The following TNFSF4 variants were observed in gnomAD, a reference collection of about 807,000 sequenced individuals.
TNFSF4 encodes the protein tumor necrosis factor ligand superfamily member 4.
TNFSF4 carries 4 observed loss-of-function variants against 7.3 expected under a neutral mutation model. The observed-to-expected ratio is 0.55, with a 90% CI of 0.27 to 1.25. The LOEUF (loss-of-function observed/expected upper bound fraction) is 1.25. Among genes scored for constraint, TNFSF4 ranks in the 50% most tolerant of loss-of-function variants. The pLI is 0.12. For missense variants in TNFSF4, 181 were observed against 208.8 expected, an observed-to-expected ratio of 0.87 and a Z score of 0.82; for synonymous variants, 76 against 83.7, an observed-to-expected ratio of 0.91 and a Z score of 0.50.
At chr1:173,339,238 T>C in the TNFSF4 span, among the ~76,000 whole-genome samples, 2 of 152,034 alleles carry the variant, frequency 1.3e-5, no homozygotes, top group African/African-American at 4.8e-5. Flanking sequence ...TTTAATTAGC[T>C]GGGCATGGTG....
chr1:173,426,274 T>C, the TNFSF4 span, among the ~76,000 whole-genome samples: 1 of 152,126 alleles, frequency 6.6e-6, no homozygotes, highest in Non-Finnish European at 1.5e-5. Flanking sequence ...GTGCTTCCCT[T>C]TGTCAGATAT....
the TNFSF4 span, among the ~76,000 whole-genome samples, chr1:173,360,569 A>G: frequency 6.6e-6 from 1 of 152,352 alleles, no homozygotes; most frequent in East Asian, 1.9e-4. Flanking sequence ...TGTTGCTTTT[A>G]TGACCTTGGC....
intron 1 of TNFSF4, among the ~76,000 whole-genome samples, chr1:173,194,188 TGTAA>T (rs1421122309): frequency 6.6e-6 from 1 of 152,254 alleles, no homozygotes; most frequent in African/African-American, 2.4e-5. Flanking sequence ...TTTTCTCTGC[TGTAA>T]GTGTTATTCA....
At chr1:173,349,098 G>A in the TNFSF4 span, among the ~76,000 whole-genome samples, 97 of 152,160 alleles carry the variant, frequency 6.4e-4, no homozygotes, top group African/African-American at 2.1e-3. Flanking sequence ...GTGCAATCAT[G>A]GCTCACTGCA....
In TNFSF4 at chr1:173,184,918, T is replaced by C. The variant is rs1189095356; in HGVS notation, c.*1598A>G. On this transcript the variant is annotated 3_prime_UTR_variant, in exon 3 of 3. Coordinates refer to ENST00000281834, the MANE Select transcript of TNFSF4 (RefSeq NM_003326.5). ...TTGATTCCTCTTACCTTACCTACAA[T>C]TTCTTCTATTTAGCATTTTTATTTA... 1 of 152,232 alleles carries C rather than the reference T, an allele frequency of 6.6e-6. No homozygotes were observed. Among genetic ancestry groups the C allele is most frequent in the Non-Finnish European group, 1.5e-5 (1 of 68,044 alleles). The allele number at this position is 152,232 out of a possible 1,614,324, so 9.4% of individuals were successfully genotyped here. A position where few individuals can be genotyped will look rare whatever the true frequency, so the allele number is the denominator to read the frequency against.
the TNFSF4 span, among the ~76,000 whole-genome samples, chr1:173,402,523 T>C: frequency 1.3e-5 from 2 of 152,234 alleles, no homozygotes; most frequent in African/African-American, 4.8e-5. Context: ...TGGGCCATGC[T>C]CTGCACTGAC....
At chr1:173,191,519 A>G (rs1315878847) in intron 1 of TNFSF4, among the ~76,000 whole-genome samples, 1 of 152,178 alleles carries the variant, frequency 6.6e-6, no homozygotes, top group Non-Finnish European at 1.5e-5. Flanking sequence ...ACACCCCCAC[A>G]GTGCCCAAGT....
chr1:173,206,118 G>A (rs1244943008), intron 1 of TNFSF4, among the ~76,000 whole-genome samples: 1 of 152,062 alleles, frequency 6.6e-6, no homozygotes, highest in East Asian at 1.9e-4. Flanking sequence ...AACTTTATCA[G>A]GGAGAAACAT....
chr1:173,238,871 T>G, the TNFSF4 span, among the ~76,000 whole-genome samples: 1 of 152,136 alleles, frequency 6.6e-6, no homozygotes. Context: ...CAGGGAGAAG[T>G]TTTAGAGGCC....
chr1:173,302,751 C>CT, the TNFSF4 span, among the ~76,000 whole-genome samples: 14 of 150,140 alleles, frequency 9.3e-5, no homozygotes, highest in South Asian at 4.2e-4. Context: ...TCAACTCTTT[C>CT]TTTTTTTTTT....
At chr1:173,388,736 TAACA>T in the TNFSF4 span, among the ~76,000 whole-genome samples, 1 of 152,382 alleles carries the variant, frequency 6.6e-6, no homozygotes, top group East Asian at 1.9e-4. Context: ...TGTAAAATGT[TAACA>T]AATAATGGGT....
chr1:173,418,900 C>A, the TNFSF4 span, among the ~76,000 whole-genome samples: 1 of 152,174 alleles, frequency 6.6e-6, no homozygotes, highest in Non-Finnish European at 1.5e-5. Context: ...TTGAATGTGA[C>A]CCCCAAATTT....
At chr1:173,371,212 G>A in the TNFSF4 span, among the ~76,000 whole-genome samples, 273 of 152,294 alleles carry the variant, frequency 1.8e-3, 2 homozygotes, top group African/African-American at 6.4e-3. Flanking sequence ...CTCAAGGCCC[G>A]TTACCATCTG....
At chr1:173,348,242 T>C in the TNFSF4 span, among the ~76,000 whole-genome samples, 23 of 152,314 alleles carry the variant, frequency 1.5e-4, no homozygotes, top group East Asian at 2.7e-3. Context: ...GTTTCCCCCA[T>C]ACTGTTCTCG....
the TNFSF4 span, among the ~76,000 whole-genome samples, chr1:173,292,449 T>C: frequency 6.6e-6 from 1 of 151,992 alleles, no homozygotes; most frequent in Non-Finnish European, 1.5e-5. Context: ...ATGTTAAAAA[T>C]GCACAACAAA....
chr1:173,413,926 G>A, the TNFSF4 span, among the ~76,000 whole-genome samples: 41 of 152,286 alleles, frequency 2.7e-4, no homozygotes. Flanking sequence ...CTTCTACTGT[G>A]TGAATTTTCC....
chr1:173,400,100 C>T, the TNFSF4 span, among the ~76,000 whole-genome samples: 3,208 of 152,342 alleles, frequency 0.021, 116 homozygotes, highest in African/African-American at 0.071. Flanking sequence ...GACTTATCCA[C>T]TGTCATGGCA....
the TNFSF4 span, among the ~76,000 whole-genome samples, chr1:173,247,202 G>A: frequency 1.3e-5 from 2 of 152,290 alleles, no homozygotes; most frequent in Middle Eastern, 3.4e-3. Context: ...CTGGAGGTAA[G>A]GAGTTCCCTG....
chr1:173,239,009 C>T, the TNFSF4 span, among the ~76,000 whole-genome samples: 12 of 152,306 alleles, frequency 7.9e-5, no homozygotes, highest in East Asian at 2.3e-3. Context: ...TCACTGAGAA[C>T]ATGTTAAGCT....
Sources: gnomAD v4.1 joint callset for allele counts (sites outside exome capture counted in the v4.1 genomes callset) on GRCh38, gnomAD v4.1.1 for gene constraint, MANE v1.5 for transcripts, NCBI Gene and HGNC (gene_info 2026-07-23, HGNC 2026-07-21) for gene names.